The following MX1 variants were observed in gnomAD, a reference collection of about 807,000 sequenced individuals.
MX1 encodes MX dynamin like GTPase 1, also known as interferon-induced GTP-binding protein Mx1.
A neutral mutation model predicts 66.4 loss-of-function variants in MX1; 66 were observed. The ratio of observed to expected loss-of-function variants is 0.99; its 90% confidence interval spans 0.82 to 1.22. The LOEUF (loss-of-function observed/expected upper bound fraction) is 1.22, where lower values mean the gene tolerates loss of function less well. Ranked by LOEUF, MX1 falls within the 50% of genes most tolerant of loss-of-function variation. MX1 has a pLI of 0.00. For synonymous variants in MX1, 311 were observed against 318.1 expected, an observed-to-expected ratio of 0.98 and a Z score of 0.24; for missense variants, 787 against 834.3, an observed-to-expected ratio of 0.94 and a Z score of 0.70.
rs1230789750 is a variant in MX1, at chr21:41,458,920, T to G, written c.*162T>G. On this transcript the variant is annotated 3_prime_UTR_variant, in exon 17 of 17. Coordinates refer to ENST00000398598, the MANE Select transcript of MX1 (RefSeq NM_002462.5). ...TTAGCAGGAAGCTGTGAGAGCAGTT[T>G]GGTTTCTAGCATGAAGACAGAGCCC... The G allele has an allele frequency of 3.8e-6, 5 of 1,332,044 alleles. No individual in the cohort carries two copies. In the African/African-American group the frequency reaches 7.4e-5, roughly 20 times the overall value. The allele number at this position is 1,332,044 out of a possible 1,614,324, so 82.5% of individuals were successfully genotyped here.
intron 16 of MX1, among the ~76,000 whole-genome samples, chr21:41,457,543 C>T (rs1031500737): frequency 1.3e-5 from 2 of 152,158 alleles, no homozygotes; most frequent in Non-Finnish European, 2.9e-5. Context: ...CTGGAAGGGT[C>T]GTCTAGTTCC....
rs1177415090 is a variant in MX1, at chr21:41,458,780, A to G, written c.*22A>G. On this transcript the variant is annotated 3_prime_UTR_variant, in exon 17 of 17. Coordinates refer to ENST00000398598, the MANE Select transcript of MX1 (RefSeq NM_002462.5). The stretch of plus-strand genomic sequence containing the variant: ...TTAACCACACTCTGTCCAGCCCCGT[A>G]GACGTGCACGCACACTGTCTGCCCC... 1.2e-6 allele frequency: 2 copies of G among 1,602,958 alleles called. No individual in the cohort carries two copies. Among genetic ancestry groups the G allele is most frequent in the Non-Finnish European group, 1.7e-6 (2 of 1,177,116 alleles).
At chr21:41,432,276 C>A in intron 5 of MX1, 101 bp downstream of exon 5, 3 of 995,138 alleles carry the variant, frequency 3.0e-6, no homozygotes, top group South Asian at 1.3e-5. Flanking sequence ...GATATGCCTG[C>A]TCTCTCGCCT....
chr21:41,444,856 G>GT (rs2146264618), intron 11 of MX1, among the ~76,000 whole-genome samples: 1 of 152,202 alleles, frequency 6.6e-6, no homozygotes, highest in South Asian at 2.1e-4. Flanking sequence ...CCTGGCCACT[G>GT]TTACTGGGGC....
rs1333002479 is a variant in MX1 at position 41,432,049 on chromosome 21, G to A, written c.-21-1G>A. 1.9e-6 allele frequency: 3 copies of A among 1,612,858 alleles called. No homozygotes were observed. The highest frequency in any genetic ancestry group is 3.3e-5 in the Admixed American group (2 of 60,014). On this transcript the variant is annotated splice_acceptor_variant, in intron 4 of 16. Transcript: ENST00000398598. LOFTEE classifies it low-confidence loss of function (5UTR_SPLICE). ...TCAATAGGCATCTGCTTTATTTTAA[G>A]CTTACTTTGCAAAGAAGGAAGATGG...
upstream of MX1, among the ~76,000 whole-genome samples, chr21:41,425,396 A>G (rs957644250): frequency 2.5e-4 from 38 of 152,204 alleles, no homozygotes; most frequent in African/African-American, 8.4e-4. Context: ...GGTGGGGAAG[A>G]TTACAAAGTA....
rs2090451572 is a variant in MX1, at chr21:41,439,700, A to T, written c.443A>T (p.Asn148Ile). ...TTCCCTGTCTCTTTTCTAGCCCAGA[A>T]TGCCATCGCCGGGGAAGGAATGGGA... The part of the protein sequence containing the change: ...EVEKEINKAQ[N>I]AIAGEGMGIS... The change falls in exon 8 of 17, where the codon AAT (asparagine) becomes ATT (isoleucine). Residue 148 changes from asparagine to isoleucine, a missense_variant. By Grantham distance (149) the Asn-to-Ile change is moderately radical. Coordinates refer to ENST00000398598, the MANE Select transcript of MX1 (RefSeq NM_002462.5). 9.9e-6 allele frequency: 16 copies of T among 1,613,486 alleles called. No individual in the cohort carries two copies. The highest frequency in any genetic ancestry group is 1.4e-5 in the Non-Finnish European group (16 of 1,179,590).
chr21:41,445,407 A>G (rs750498447), intron 11 of MX1, 41 bp from the exon 12 acceptor site: 3 of 1,610,926 alleles, frequency 1.9e-6, no homozygotes, highest in African/African-American at 2.7e-5. Context: ...TTCTCTGTTC[A>G]TCTTTACACA....
chr21:41,448,731 G>A (rs1008663132), intron 13 of MX1, among the ~76,000 whole-genome samples: 3 of 152,060 alleles, frequency 2.0e-5, no homozygotes, highest in Non-Finnish European at 2.9e-5. Context: ...GCGTGAACCC[G>A]GGAGGCAGAG....
intron 13 of MX1, 76 bp downstream of exon 13, chr21:41,446,217 C>A: frequency 1.5e-6 from 2 of 1,305,930 alleles, no homozygotes; most frequent in Non-Finnish European, 1.1e-6. Context: ...ACAGTAGAAA[C>A]TTATTGCTCA....
At chr21:41,431,278 C>T (rs2090204474) in intron 4 of MX1, among the ~76,000 whole-genome samples, 1 of 152,216 alleles carries the variant, frequency 6.6e-6, no homozygotes, top group Non-Finnish European at 1.5e-5. Flanking sequence ...TCACCTTGGT[C>T]TCCCAAAGTG....
chr21:41,427,094 T>C (rs2090084781), intron 1 of MX1, 112 bp from the exon 2 acceptor site: 1 of 152,310 alleles, frequency 6.6e-6, no homozygotes, highest in Non-Finnish European at 1.5e-5. Context: ...TGGTTAAATT[T>C]TAAATCACGT....
chr21:41,449,523 A>C, intron 14 of MX1: 1 of 408,602 alleles, frequency 2.4e-6, no homozygotes, highest in Non-Finnish European at 4.3e-6. Context: ...GTTCCACAAC[A>C]CTGGCCCCAA....
chr21:41,434,031 G>A (rs76627126), intron 5 of MX1, among the ~76,000 whole-genome samples: 1,922 of 152,226 alleles, frequency 0.013, 36 homozygotes, highest in African/African-American at 0.04. Context: ...CAGGTATTTG[G>A]CTAAACCTCC....
chr21:41,433,119 T>G (rs2090267898), intron 5 of MX1, among the ~76,000 whole-genome samples: 1 of 152,214 alleles, frequency 6.6e-6, no homozygotes. Context: ...ATCTGGCAGT[T>G]CCACTTCTGG....
chr21:41,449,536 A>G (rs1340850151), intron 14 of MX1: 5 of 388,346 alleles, frequency 1.3e-5, no homozygotes, highest in Non-Finnish European at 2.3e-5. Context: ...GGCCCCAACT[A>G]CAAATGCCGG....
At chr21:41,438,205 T>G (rs1190066797) in intron 7 of MX1, among the ~76,000 whole-genome samples, 1 of 152,242 alleles carries the variant, frequency 6.6e-6, no homozygotes, top group African/African-American at 2.4e-5. Context: ...GTTGACTGTT[T>G]AAAGAAAGAT....
rs924944130 is a variant in MX1 at position 41,427,204 on chromosome 21, A to C, written c.-308-2A>C. On this transcript the variant is annotated splice_acceptor_variant, in intron 1 of 16. Coordinates refer to ENST00000398598, the MANE Select transcript of MX1 (RefSeq NM_002462.5). LOFTEE classifies it low-confidence loss of function (5UTR_SPLICE). ...TCCTAAAATGGCTGTGTCATCTTTC[A>C]GCCTTGGACCGCAGTTGCCGGCCAG... 1 of 152,196 alleles carries C rather than the reference A, an allele frequency of 6.6e-6. No individual in the cohort carries two copies. Among genetic ancestry groups the C allele is most frequent in the African/African-American group, 2.4e-5 (1 of 41,438 alleles). 9.4% of individuals were successfully genotyped at this position (152,196 alleles called of 1,614,324 possible).
chr21:41,452,268 C>G (rs998037169), intron 15 of MX1, among the ~76,000 whole-genome samples: 2 of 152,210 alleles, frequency 1.3e-5, no homozygotes, highest in Admixed American at 1.3e-4. Flanking sequence ...CTGCTCATCC[C>G]TGTGGATTAT....
Sources: allele counts gnomAD v4.1 joint callset (sites outside exome capture counted in the v4.1 genomes callset), GRCh38; gene constraint gnomAD v4.1.1; transcripts MANE v1.5; gene names NCBI Gene and HGNC (gene_info 2026-07-23, HGNC 2026-07-21).